The following EYS variants were observed in gnomAD, a reference collection of about 807,000 sequenced individuals.
EYS encodes the protein EGF-like photoreceptor maintenance factor.
In EYS, 250 loss-of-function variants were observed where a neutral mutation model predicts 282.1. The observed-to-expected ratio is 0.89, with a 90% CI of 0.80 to 0.98. The LOEUF (loss-of-function observed/expected upper bound fraction) is 0.98. Ranked by LOEUF, EYS falls within the 50% of genes least tolerant of loss-of-function variation. EYS has a pLI of 0.00. For synonymous variants in EYS, 1,355 were observed against 1,282.9 expected (o/e 1.06, Z -1.20); for missense variants, 4,016 against 3,709.0 (o/e 1.08, Z -2.15).
chr6:64,668,357 A>T (rs184539521), intron 22 of EYS, among the ~76,000 whole-genome samples: 2 of 152,276 alleles, frequency 1.3e-5, no homozygotes, highest in East Asian at 3.9e-4. Flanking sequence ...CCTTCAAAAT[A>T]TACTTCACAA....
intron 2 of EYS, among the ~76,000 whole-genome samples, chr6:65,586,630 T>G (rs565250675): frequency 2.4e-4 from 37 of 152,206 alleles, no homozygotes; most frequent in African/African-American, 7.2e-4. Flanking sequence ...CATAAAGAAG[T>G]GTGTTCATGC....
chr6:65,034,717 G>A (rs1370051610), intron 13 of EYS, among the ~76,000 whole-genome samples: 1 of 152,134 alleles, frequency 6.6e-6, no homozygotes, highest in African/African-American at 2.4e-5. Context: ...TTGTGAGCTA[G>A]TTAAACTTTT....
intron 26 of EYS, among the ~76,000 whole-genome samples, chr6:64,511,501 A>T (rs1255436837): frequency 6.6e-6 from 1 of 151,928 alleles, no homozygotes; most frequent in African/African-American, 2.4e-5. Context: ...TTAGTGTGGT[A>T]CCTAATAAAT....
intron 12 of EYS, among the ~76,000 whole-genome samples, chr6:65,150,976 G>GA (rs1481272017): frequency 1.3e-5 from 2 of 152,010 alleles, no homozygotes; most frequent in Admixed American, 1.3e-4. Flanking sequence ...TTTCCTAAGT[G>GA]AAACTTTGGC....
chr6:64,097,604 G>T (rs1772674292), intron 31 of EYS, among the ~76,000 whole-genome samples: 1 of 152,202 alleles, frequency 6.6e-6, no homozygotes, highest in South Asian at 2.1e-4. Context: ...GGTTGGAAAA[G>T]CCCAGTATTA....
intron 19 of EYS, among the ~76,000 whole-genome samples, chr6:64,824,302 A>G (rs1265703587): frequency 6.6e-6 from 1 of 151,956 alleles, no homozygotes; most frequent in Non-Finnish European, 1.5e-5. Context: ...CCCACAGGAA[A>G]GGGCACATAT....
intron 41 of EYS, among the ~76,000 whole-genome samples, chr6:63,729,814 A>G (rs182170181): frequency 6.6e-6 from 1 of 152,176 alleles, no homozygotes; most frequent in Non-Finnish European, 1.5e-5. Context: ...AGGGCTTTCC[A>G]TAGCCCATCT....
chr6:65,419,269 C>T (rs940952106), intron 5 of EYS, among the ~76,000 whole-genome samples: 1 of 151,718 alleles, frequency 6.6e-6, no homozygotes, highest in Admixed American at 6.6e-5. Flanking sequence ...CATATCTACA[C>T]CTCATTAAGA....
intron 26 of EYS, among the ~76,000 whole-genome samples, chr6:64,561,305 G>GAA (rs1765387868): frequency 6.6e-6 from 1 of 152,044 alleles, no homozygotes; most frequent in Non-Finnish European, 1.5e-5. Context: ...ATTCAACATA[G>GAA]TATTGAAAGT....
chr6:64,577,956 C>A (rs376646035), intron 26 of EYS, among the ~76,000 whole-genome samples: 1 of 152,176 alleles, frequency 6.6e-6, no homozygotes, highest in East Asian at 1.9e-4. Context: ...TAAAAATAAT[C>A]CAATGCATCA....
intron 21 of EYS, among the ~76,000 whole-genome samples, chr6:64,817,789 T>A (rs1441307237): frequency 6.6e-6 from 1 of 152,190 alleles, no homozygotes; most frequent in African/African-American, 2.4e-5. Flanking sequence ...GACTCATTTT[T>A]ATCACTCTGT....
chr6:65,065,539 C>G (rs1014180626), intron 12 of EYS, among the ~76,000 whole-genome samples: 2 of 148,882 alleles, frequency 1.3e-5, no homozygotes, highest in African/African-American at 4.9e-5. Flanking sequence ...CCCACCACCA[C>G]GCCTGGCTAT....
At chr6:64,491,349 T>A (rs1322259533) in intron 26 of EYS, among the ~76,000 whole-genome samples, 4 of 151,074 alleles carry the variant, frequency 2.6e-5, no homozygotes, top group African/African-American at 9.7e-5. Context: ...ATCTTTAAAC[T>A]CCTCAAAATA....
chr6:63,810,185 C>T (rs1041581471), intron 36 of EYS, among the ~76,000 whole-genome samples: 3 of 150,468 alleles, frequency 2.0e-5, no homozygotes, highest in East Asian at 2.0e-4. Context: ...CACTTGAATC[C>T]GCGAGACGGA....
At chr6:65,347,978 A>T (rs1022594990) in intron 9 of EYS, among the ~76,000 whole-genome samples, 1 of 151,624 alleles carries the variant, frequency 6.6e-6, no homozygotes, top group African/African-American at 2.4e-5. Flanking sequence ...AGAACATGTG[A>T]ATTTGTCTTT....
intron 5 of EYS, among the ~76,000 whole-genome samples, chr6:65,487,513 A>G (rs58471051): frequency 6.6e-6 from 1 of 152,186 alleles, no homozygotes; most frequent in Non-Finnish European, 1.5e-5. Context: ...ATTGCATCTC[A>G]GGTATGAAGC....
chr6:65,608,038 C>T (rs1305774301), intron 2 of EYS, among the ~76,000 whole-genome samples: 2 of 151,928 alleles, frequency 1.3e-5, no homozygotes, highest in African/African-American at 4.8e-5. Flanking sequence ...GGAGGAAACA[C>T]ATTCAGCAAT....
At chr6:65,153,751 T>G (rs1439983344) in intron 12 of EYS, among the ~76,000 whole-genome samples, 2 of 151,810 alleles carry the variant, frequency 1.3e-5, no homozygotes, top group African/African-American at 4.8e-5. Context: ...CTCTCTGGAT[T>G]TCTTTAAGCA....
rs765347761 is a variant in EYS at position 65,431,672 on chromosome 6, G to A, written c.863-26305C>T. ...TGCTCAAATTATATTCATGATCACC[G>A]GCTGTTCTAAAATCAATTTTATTAG... On this transcript the variant is annotated intron_variant, in intron 5 of 42. Transcript: ENST00000503581. Among the ~76,000 whole-genome samples, 18 of 151,848 alleles carry A rather than the reference G, an allele frequency of 1.2e-4. No homozygotes were observed. In the East Asian group the frequency reaches 1.5e-3, roughly 13 times the overall value.
Sources: allele counts gnomAD v4.1 joint callset (sites outside exome capture counted in the v4.1 genomes callset), GRCh38; gene constraint gnomAD v4.1.1; transcripts MANE v1.5; gene names NCBI Gene and HGNC (gene_info 2026-07-23, HGNC 2026-07-21).